The following CLIP4 variants were observed in gnomAD, a reference collection of about 807,000 sequenced individuals.
CLIP4 encodes the protein CAP-Gly domain-containing linker protein 4.
Under a neutral mutation model 73.1 loss-of-function variants are expected in CLIP4, and 47 were observed. The observed-to-expected ratio is 0.64, with a 90% confidence interval of 0.51 to 0.82. CLIP4 has a LOEUF of 0.82. CLIP4 is among the 40% of genes least tolerant of loss of function. The pLI is 0.00. For synonymous variants in CLIP4, 306 were observed against 295.4 expected, an observed-to-expected ratio of 1.04 and a Z score of -0.37; for missense variants, 874 against 852.9, an observed-to-expected ratio of 1.02 and a Z score of -0.31.
At chr2:29,140,347 G>A (rs1444565348) in intron 6 of CLIP4, among the ~76,000 whole-genome samples, 1 of 151,862 alleles carries the variant, frequency 6.6e-6, no homozygotes, top group Non-Finnish European at 1.5e-5. Flanking sequence ...TTTTGTCCTT[G>A]CGATAGTTTA....
chr2:29,179,382 G>A (rs1364714760), intron 15 of CLIP4, among the ~76,000 whole-genome samples: 3 of 152,152 alleles, frequency 2.0e-5, no homozygotes, highest in Non-Finnish European at 4.4e-5. Context: ...TAATGGCGGC[G>A]TAAACCTTGC....
At chr2:29,176,053 A>G (rs192774756) in intron 15 of CLIP4, among the ~76,000 whole-genome samples, 210 of 152,252 alleles carry the variant, frequency 1.4e-3, no homozygotes, top group East Asian at 0.01. Context: ...GAGCCACCGC[A>G]CCCGGCTGAG....
At chr2:29,131,187 ATTG>A (rs1664944627) in intron 2 of CLIP4, 68 bp from the exon 3 acceptor site, 1 of 1,264,326 alleles carries the variant, frequency 7.9e-7, no homozygotes, top group African/African-American at 1.5e-5. Flanking sequence ...CCTTGGTTTT[ATTG>A]TTTATTATTT....
At position 29,161,078 on chromosome 2, in the gene CLIP4, G is replaced by A. The variant is rs139167411; in HGVS notation, c.1534+611G>A. Among the ~76,000 whole-genome samples, 975 of 152,162 alleles carry A rather than the reference G, an allele frequency of 6.4e-3. 12 individuals carry two copies. The highest frequency in any genetic ancestry group is 0.022 in the African/African-American group (920 of 41,522). The stretch of plus-strand genomic sequence containing the variant: ...CAACCTCTGCCTCCTGGGTTCAAGC[G>A]GTTCTCCTGCCTCAGCCTCCCGAGT... On this transcript the variant is annotated intron_variant, in intron 12 of 15. Coordinates refer to ENST00000320081, the MANE Select transcript of CLIP4 (RefSeq NM_024692.6).
chr2:29,141,492 A>G (rs1665764045), intron 6 of CLIP4, among the ~76,000 whole-genome samples: 1 of 152,192 alleles, frequency 6.6e-6, no homozygotes, highest in Non-Finnish European at 1.5e-5. Context: ...TGCTTTATAA[A>G]TTTGGGTGCT....
At chr2:29,150,643 C>CTTTTTTT (rs34553625) in intron 8 of CLIP4, among the ~76,000 whole-genome samples, 3 of 80,234 alleles carry the variant, frequency 3.7e-5, no homozygotes, top group African/African-American at 8.8e-5. Flanking sequence ...TTGATTTGCT[C>CTTTTTTT]TTTTTTTTTT....
At chr2:29,137,932 G>C (rs1484486590) in intron 6 of CLIP4, among the ~76,000 whole-genome samples, 1 of 151,846 alleles carries the variant, frequency 6.6e-6, no homozygotes, top group African/African-American at 2.4e-5. Flanking sequence ...TGCATAGTTT[G>C]TATTTTTACC....
intron 14 of CLIP4, among the ~76,000 whole-genome samples, chr2:29,172,283 C>T (rs955741030): frequency 1.3e-5 from 2 of 152,100 alleles, no homozygotes; most frequent in Non-Finnish European, 2.9e-5. Context: ...CATTAACCCT[C>T]AGAATTTGTA....
intron 5 of CLIP4, 96 bp downstream of exon 5, chr2:29,133,912 A>G (rs766689049): frequency 9.3e-7 from 1 of 1,079,158 alleles, no homozygotes; most frequent in Non-Finnish European, 1.3e-6. Context: ...CTTCTAATCC[A>G]TCTTGTTTCA....
At chr2:29,134,324 T>C (rs1665195328) in intron 5 of CLIP4, among the ~76,000 whole-genome samples, 1 of 152,182 alleles carries the variant, frequency 6.6e-6, no homozygotes, top group African/African-American at 2.4e-5. Flanking sequence ...GGTATTTTGA[T>C]TTTTCTCTCT....
chr2:29,107,381 T>G (rs1558505040), intron 1 of CLIP4, among the ~76,000 whole-genome samples: 1 of 129,404 alleles, frequency 7.7e-6, no homozygotes. Flanking sequence ...TTTTTTTTTT[T>G]TTTTTTTTGA....
intron 9 of CLIP4, among the ~76,000 whole-genome samples, chr2:29,153,075 C>G (rs1282262077): frequency 6.6e-6 from 1 of 151,994 alleles, no homozygotes; most frequent in Non-Finnish European, 1.5e-5. Flanking sequence ...ATAATCTATC[C>G]TCAAGGCTAG....
At chr2:29,156,136 T>A (rs1044355684) in intron 9 of CLIP4, among the ~76,000 whole-genome samples, 12 of 152,232 alleles carry the variant, frequency 7.9e-5, no homozygotes, top group African/African-American at 2.7e-4. Flanking sequence ...ATCATCTTGA[T>A]GAGACATTAA....
intron 14 of CLIP4, among the ~76,000 whole-genome samples, chr2:29,169,412 T>G (rs558917733): frequency 7.3e-5 from 11 of 151,488 alleles, no homozygotes; most frequent in African/African-American, 2.2e-4. Context: ...TCATGTTGGA[T>G]TAGAGCCTAT....
At chr2:29,101,572 T>C (rs1433608707) in intron 1 of CLIP4, among the ~76,000 whole-genome samples, 3 of 152,136 alleles carry the variant, frequency 2.0e-5, no homozygotes, top group Non-Finnish European at 2.9e-5. Context: ...CCCACCTGGA[T>C]TGAGGGTGGG....
chr2:29,107,712 G>A (rs1171300270), intron 1 of CLIP4, among the ~76,000 whole-genome samples: 1 of 151,946 alleles, frequency 6.6e-6, no homozygotes, highest in Non-Finnish European at 1.5e-5. Flanking sequence ...GTCTCACTAT[G>A]CTGCCCAGGC....
At chr2:29,142,860 G>C (rs907184268) in intron 6 of CLIP4, among the ~76,000 whole-genome samples, 1 of 152,224 alleles carries the variant, frequency 6.6e-6, no homozygotes, top group African/African-American at 2.4e-5. Flanking sequence ...GGGAATGTAA[G>C]ATGACAGATA....
chr2:29,161,663 A>AGAGC (rs1667299266), intron 12 of CLIP4, among the ~76,000 whole-genome samples: 1 of 152,174 alleles, frequency 6.6e-6, no homozygotes, highest in Non-Finnish European at 1.5e-5. Context: ...CCACAGGGTG[A>AGAGC]GAGCGAGCGA....
intron 15 of CLIP4, 121 bp downstream of exon 15, chr2:29,174,566 G>GAA: frequency 7.0e-7 from 1 of 1,437,840 alleles, no homozygotes; most frequent in Non-Finnish European, 9.1e-7. Flanking sequence ...ACACGTAGGA[G>GAA]AAAAGGTGTG....
Sources: gnomAD v4.1 joint callset for allele counts (sites outside exome capture counted in the v4.1 genomes callset) on GRCh38, gnomAD v4.1.1 for gene constraint, MANE v1.5 for transcripts, NCBI Gene and HGNC (gene_info 2026-07-23, HGNC 2026-07-21) for gene names.